The following ART5 variants were observed in gnomAD, a reference collection of about 807,000 sequenced individuals.
The protein encoded by ART5 is ecto-ADP-ribosyltransferase 5.
In ART5, 22 loss-of-function variants were observed where a neutral mutation model predicts 25.0. The ratio of observed to expected loss-of-function variants is 0.88; its 90% CI spans 0.63 to 1.26. The LOEUF is 1.26. Ranked by LOEUF, ART5 falls within the 50% of genes most tolerant of loss-of-function variation. The probability of loss-of-function intolerance (pLI) is 0.00; values close to 1 mark genes in which losing one functional copy is unlikely to be tolerated. For missense variants in ART5, 402 were observed against 372.8 expected (o/e 1.08, Z -0.64); for synonymous variants, 161 against 154.8 (o/e 1.04, Z -0.30).
In ART5 at chr11:3,638,564, C is replaced by T. The variant is rs2077345862; in HGVS notation, c.*174G>A. ...TAGCTACCTCAATAAAACTCCATGTCTCCACATTGCAACACCGTTCAATCA... is the reference window on the plus strand; with the variant it reads ...TAGCTACCTCAATAAAACTCCATGTTTCCACATTGCAACACCGTTCAATCA... On this transcript the variant is annotated 3_prime_UTR_variant, in exon 4 of 4. Transcript: ENST00000397068. The T allele has an allele frequency of 1.4e-6, 1 of 721,932 alleles. No homozygotes were observed. The highest frequency in any genetic ancestry group is 1.7e-5 in the South Asian group (1 of 57,964). 44.7% of individuals were successfully genotyped at this position (721,932 alleles called of 1,614,324 possible).
At chr11:3,641,084 G>A (rs1206379216) in intron 1 of ART5, among the ~76,000 whole-genome samples, 1 of 152,132 alleles carries the variant, frequency 6.6e-6, no homozygotes, top group African/African-American at 2.4e-5. Flanking sequence ...GAGGCCTTGG[G>A]CAAGTGTCAT....
At chr11:3,642,212 G>C (rs2077414653), upstream of ART5, 1 of 1,160,394 alleles carries the variant, frequency 8.6e-7, no homozygotes, top group Non-Finnish European at 1.1e-6. Flanking sequence ...GGGAGGGAGC[G>C]CCGAGGGCTC....
rs765103391 is a variant in ART5, at chr11:3,638,726, T to C, written c.*12A>G. The C allele has an allele frequency of 4.3e-5, 69 of 1,614,000 alleles. No individual in the cohort carries two copies. The highest frequency in any genetic ancestry group is 5.3e-5 in the Non-Finnish European group (63 of 1,180,026). ...GCTGCTAGGGCTGGGTCCGGAACCA[T>C]GTTCTTGCTTCTCAAGGCTGCTGGA... On this transcript the variant is annotated 3_prime_UTR_variant, in exon 4 of 4. Coordinates refer to ENST00000397068, the MANE Select transcript of ART5 (RefSeq NM_053017.5).
At chr11:3,642,297 C>A, upstream of ART5, 1 of 1,014,762 alleles carries the variant, frequency 9.9e-7, no homozygotes, top group South Asian at 4.3e-5. Flanking sequence ...TAACTGTAGC[C>A]CCCGCGCTGG....
chr11:3,640,512 C>A, intron 1 of ART5, 141 bp from the exon 2 acceptor site: 4 of 1,038,810 alleles, frequency 3.9e-6, no homozygotes, highest in Admixed American at 3.1e-5. Context: ...GGCAAGGGCC[C>A]AATAAGAGGC....
Position 3,639,700 on chromosome 11 carries a change from C to A in ART5, c.729G>T (p.Leu243Phe). The stretch of plus-strand genomic sequence containing the variant: ...TCTGATTATAGCTCCAGAGAGTCAC[C>A]AAGCTCTGGGCTCCATCCTGAGAGA... ...TRFSQDGAQS[L>F]VTLWSYNQTC... Residue 243 changes from leucine to phenylalanine, a missense_variant, in exon 2 of 4, where the codon TTG becomes TTT. Physicochemically the swap from Leu to Phe is conservative, Grantham distance 22. Coordinates refer to ENST00000397068, the MANE Select transcript of ART5 (RefSeq NM_053017.5). The A allele has an allele frequency of 6.2e-7, 1 of 1,613,982 alleles. No individual in the cohort carries two copies. The highest frequency in any genetic ancestry group is 8.5e-7 in the Non-Finnish European group (1 of 1,180,022).
chr11:3,639,149 T>G, intron 2 of ART5, 114 bp from the exon 3 acceptor site: 1 of 1,211,776 alleles, frequency 8.3e-7, no homozygotes, highest in South Asian at 1.5e-5. Context: ...TCCCTTCACC[T>G]AAAGGGAAAC....
Position 3,641,882 on chromosome 11 carries a change from G to A in ART5, c.-20C>T. On this transcript the variant is annotated 5_prime_UTR_variant, in exon 1 of 4. Coordinates refer to ENST00000397068, the MANE Select transcript of ART5 (RefSeq NM_053017.5). ...CGCCATCCCTGGAGGAGACGTGAGG[G>A]CCAGGGGTCCGGGTGAGGGCGGGAC... 1.9e-6 allele frequency: 3 copies of A among 1,560,514 alleles called. No individual in the cohort carries two copies. The highest frequency in any genetic ancestry group is 2.0e-5 in the Admixed American group (1 of 48,956).
chr11:3,641,877 T>A lies in ART5; in HGVS notation c.-15A>T, dbSNP rs1175052301. On this transcript the variant is annotated 5_prime_UTR_variant, in exon 1 of 4. Transcript: ENST00000397068. ...GCCAGCGCCATCCCTGGAGGAGACG[T>A]GAGGGCCAGGGGTCCGGGTGAGGGC... 2.6e-6 allele frequency: 4 copies of A among 1,562,898 alleles called. No individual in the cohort carries two copies. Among genetic ancestry groups the A allele is most frequent in the Non-Finnish European group, 3.5e-6 (4 of 1,155,724 alleles).
At chr11:3,639,196 C>G (rs1175308117) in intron 2 of ART5, among the ~76,000 whole-genome samples, 161 bp from the exon 3 acceptor site, 2 of 152,228 alleles carry the variant, frequency 1.3e-5, no homozygotes, top group African/African-American at 4.8e-5. Flanking sequence ...TCCAGGAACT[C>G]TTTCCAGATT....
Position 3,641,769 on chromosome 11 carries a change from GT to G in ART5, c.57+36del, listed in dbSNP as rs756483124. The stretch of plus-strand genomic sequence containing the variant: ...ACTTCCTCAGGGTCTGTCCCTTAAT[GT>G]CCCCCTTGGGGCTAGGAGATGGTTC... On this transcript the variant is annotated intron_variant, in intron 1 of 3. Coordinates refer to ENST00000397068, the MANE Select transcript of ART5 (RefSeq NM_053017.5). 10 of 1,560,682 alleles carry G rather than the reference GT, an allele frequency of 6.4e-6. No homozygotes were observed. In the Middle Eastern group the frequency reaches 8.4e-4, roughly 131 times the overall value.
intron 1 of ART5, among the ~76,000 whole-genome samples, 194 bp downstream of exon 1, chr11:3,641,612 G>A (rs2077398553): frequency 6.6e-6 from 1 of 152,150 alleles, no homozygotes; most frequent in South Asian, 2.1e-4. Flanking sequence ...GATGGAGATG[G>A]GGGTTCTAGG....
At position 3,639,910 on chromosome 11, in the gene ART5, T is replaced by C. The variant is rs4910876; in HGVS notation, c.519A>G (p.Gly173=). 1,611,772 of 1,614,224 alleles carry C rather than the reference T, an allele frequency of 1. 804,690 individuals are homozygous for C. The highest frequency in any genetic ancestry group is 1 in the East Asian group (44,866 of 44,866). The change falls in exon 2 of 4, where the codon GGA becomes GGG. Residue 173 remains glycine (G), a synonymous_variant. Coordinates refer to ENST00000397068, the MANE Select transcript of ART5 (RefSeq NM_053017.5). ...GSLRFEPKRL[G]DSVRLGQFAS... ...CAAACTGGCCCAAGCGGACAGAGTC[T>C]CCCAGCCTCTTGGGTTCAAAGCGAA...
At position 3,641,875 on chromosome 11, in the gene ART5, C is replaced by CGTGAGGGCCAGGGGTCCGG. The variant is rs547488227; in HGVS notation, c.-32_-14dup. ...CCGCCAGCGCCATCCCTGGAGGAGA[C>CGTGAGGGCCAGGGGTCCGG]GTGAGGGCCAGGGGTCCGGGTGAGG... On this transcript the variant is annotated 5_prime_UTR_variant, in exon 1 of 4. Transcript: ENST00000397068. 1.3e-6 allele frequency: 2 copies of CGTGAGGGCCAGGGGTCCGG among 1,566,444 alleles called. No individual in the cohort carries two copies. The highest frequency in any genetic ancestry group is 2.3e-5 in the East Asian group (1 of 43,268).
chr11:3,640,061 A>T lies in ART5; in HGVS notation c.368T>A (p.Leu123His). ...CTTGAAGGGAAAGTGCCTCATGTAG[A>T]GCTCCCGGGAGCCTCCGCCCGTCCG... ...AVRTGGGSRE[L>H]YMRHFPFKAL... The change falls in exon 2 of 4, where the codon CTC (leucine) becomes CAC (histidine). Residue 123 changes from leucine (L) to histidine (H), a missense_variant. Physicochemically the swap from Leu to His is moderately conservative, Grantham distance 99. Transcript: ENST00000397068. The T allele has an allele frequency of 6.2e-7, 1 of 1,614,128 alleles. No individual in the cohort carries two copies. The highest frequency in any genetic ancestry group is 1.1e-5 in the South Asian group (1 of 91,080).
Position 3,638,812 on chromosome 11 carries a change from ACTT to A in ART5, c.821-22_821-20del. The A allele has an allele frequency of 6.2e-7, 1 of 1,614,066 alleles. No homozygotes were observed. Among genetic ancestry groups the A allele is most frequent in the Non-Finnish European group, 8.5e-7 (1 of 1,179,980 alleles). On this transcript the variant is annotated intron_variant, in intron 3 of 3. Coordinates refer to ENST00000397068, the MANE Select transcript of ART5 (RefSeq NM_053017.5). Reference sequence around the variant, plus strand: ...AGGGCTCCTAAGTGGCAGATGTTGGACTTTCAGGGCCCAACCCCTGAGAGCTGG... The same window carrying A: ...AGGGCTCCTAAGTGGCAGATGTTGGATCAGGGCCCAACCCCTGAGAGCTGG...
chr11:3,638,946 G>A (rs1156786820), intron 3 of ART5, 57 bp downstream of exon 3: 2 of 1,572,156 alleles, frequency 1.3e-6, no homozygotes, highest in Non-Finnish European at 1.7e-6. Context: ...AGGAGGAAGG[G>A]GTCAGCAGGG....
rs140690198 is a variant in ART5 at position 3,641,832 on chromosome 11, C to T, written c.31G>A (p.Gly11Ser). 3.9e-4 allele frequency: 616 copies of T among 1,578,656 alleles called. 4 individuals carry two copies. The African/African-American group carries it at 7.7e-3, about 20-fold the overall frequency. The stretch of plus-strand genomic sequence containing the variant: ...TGCCAGGTGTGGAGGCCGAGGCTGC[C>T]GAGGGCGATCATCAAAGCCGCCAGC... MALAALMIAL[G>S]SLGLHTWQAQ... Residue 11 changes from glycine to serine, a missense_variant, in exon 1 of 4, where the codon GGC (glycine) becomes AGC (serine). Physicochemically the swap from Gly to Ser is moderately conservative, Grantham distance 56. Transcript: ENST00000397068.
In ART5 at chr11:3,641,876, G is replaced by C; in HGVS notation, c.-14C>G. The C allele has an allele frequency of 6.4e-7, 1 of 1,562,716 alleles. No individual in the cohort carries two copies. On this transcript the variant is annotated 5_prime_UTR_variant, in exon 1 of 4. Coordinates refer to ENST00000397068, the MANE Select transcript of ART5 (RefSeq NM_053017.5). ...CGCCAGCGCCATCCCTGGAGGAGAC[G>C]TGAGGGCCAGGGGTCCGGGTGAGGG...
Sources: gnomAD v4.1 joint callset for allele counts (sites outside exome capture counted in the v4.1 genomes callset) on GRCh38, gnomAD v4.1.1 for gene constraint, MANE v1.5 for transcripts, NCBI Gene and HGNC (gene_info 2026-07-23, HGNC 2026-07-21) for gene names.